The following BRWD1 variants were observed in gnomAD, a reference collection of about 807,000 sequenced individuals.
The protein encoded by BRWD1 is bromodomain and WD repeat-containing protein 1.
A neutral mutation model predicts 251.2 loss-of-function variants in BRWD1; 82 were observed. That is an observed-to-expected ratio of 0.33 (90% CI 0.27 to 0.39). BRWD1 has a LOEUF of 0.39. Among genes scored for constraint, BRWD1 ranks in the 10% least tolerant of loss-of-function variants. The pLI is 1.00. For synonymous variants in BRWD1, 918 were observed against 902.8 expected (o/e 1.02, Z -0.30); for missense variants, 2,233 against 2,711.6 (o/e 0.82, Z 3.92).
intron 5 of BRWD1, chr21:39,298,088 G>T: frequency 1.0e-6 from 1 of 996,352 alleles, no homozygotes; most frequent in Non-Finnish European, 1.2e-6. Flanking sequence ...AGCATTTAAA[G>T]AGTTTATTAG....
At chr21:39,252,830 AGAAAT>A (rs2034440207) in intron 19 of BRWD1, among the ~76,000 whole-genome samples, 1 of 152,228 alleles carries the variant, frequency 6.6e-6, no homozygotes, top group South Asian at 2.1e-4. Context: ...AGTTATAAGC[AGAAAT>A]GCCACATGGC....
At chr21:39,209,599 C>G (rs1303482088) in intron 36 of BRWD1, among the ~76,000 whole-genome samples, 1 of 152,152 alleles carries the variant, frequency 6.6e-6, no homozygotes, top group African/African-American at 2.4e-5. Context: ...TCAGCAGTCT[C>G]ACAATCAGAT....
chr21:39,215,993 C>CTA (rs10630682), intron 31 of BRWD1, among the ~76,000 whole-genome samples: 141,011 of 152,106 alleles, frequency 0.93, 65,712 homozygotes, highest in African/African-American at 0.97. Flanking sequence ...GAGCAAGACT[C>CTA]TCTCAAAAAC....
chr21:39,282,025 TGTATAA>T (rs2035483016), intron 8 of BRWD1, among the ~76,000 whole-genome samples: 2 of 151,606 alleles, frequency 1.3e-5, no homozygotes, highest in South Asian at 2.1e-4. Flanking sequence ...TATACGTCTA[TGTATAA>T]GTATATGTAT....
Position 39,264,987 on chromosome 21 carries a change from G to A in BRWD1, c.1563C>T (p.Asp521=). 6.2e-7 allele frequency: 1 copy of A among 1,613,894 alleles called. No individual in the cohort carries two copies. The highest frequency in any genetic ancestry group is 8.5e-7 in the Non-Finnish European group (1 of 1,179,916). The change falls in exon 16 of 41, where the codon GAC becomes GAT. Residue 521 remains aspartate (D), a synonymous_variant. Transcript: ENST00000342449. ...GCTGTCCATCCTGTGAAAACTTACA[G>A]TCAAACACAGCTCCATGTCCTTGTC... ...IEGQGHGAVF[D]CKFSQDGQHF...
intron 4 of BRWD1, among the ~76,000 whole-genome samples, chr21:39,311,617 T>A (rs940182901): frequency 6.6e-6 from 1 of 152,238 alleles, no homozygotes; most frequent in African/African-American, 2.4e-5. Context: ...AAAGAGGGCA[T>A]CCTTTAAATG....
chr21:39,185,164 TTAAA>T (rs779507863), downstream of BRWD1: 8 of 151,916 alleles, frequency 5.3e-5, no homozygotes, highest in African/African-American at 7.2e-5. Flanking sequence ...TATGTTCGAA[TTAAA>T]TACTTAGCCA....
At chr21:39,299,771 T>C (rs1450503291) in intron 4 of BRWD1, among the ~76,000 whole-genome samples, 1 of 150,592 alleles carries the variant, frequency 6.6e-6, no homozygotes, top group African/African-American at 2.5e-5. Context: ...GGTCAAGAGC[T>C]CGAGACCAGC....
intron 2 of BRWD1, 35 bp from the exon 3 acceptor site, chr21:39,313,136 CG>C: frequency 6.7e-7 from 1 of 1,495,220 alleles, no homozygotes; most frequent in East Asian, 2.8e-5. Flanking sequence ...GGGGTGGGGT[CG>C]GGCCCGGGGC....
intron 4 of BRWD1, among the ~76,000 whole-genome samples, chr21:39,299,564 C>T (rs1222680812): frequency 3.3e-5 from 5 of 151,952 alleles, no homozygotes; most frequent in African/African-American, 1.2e-4. Flanking sequence ...GCTCTCATCT[C>T]GACAATGAGA....
chr21:39,222,547 C>G (rs1407841236), intron 29 of BRWD1, among the ~76,000 whole-genome samples: 1 of 152,110 alleles, frequency 6.6e-6, no homozygotes, highest in African/African-American at 2.4e-5. Flanking sequence ...TGAAGGGGTT[C>G]CCAGTGGCCA....
chr21:39,272,008 C>CA (rs376900840), intron 13 of BRWD1, among the ~76,000 whole-genome samples: 53,302 of 114,594 alleles, frequency 0.47, 13,034 homozygotes, highest in African/African-American at 0.54. Context: ...CACTCCATTT[C>CA]AAAAAAAAAA....
chr21:39,219,901 A>G (rs2033104693), intron 29 of BRWD1: 2 of 152,226 alleles, frequency 1.3e-5, no homozygotes, highest in Admixed American at 6.5e-5. Flanking sequence ...GGAAGAGGGC[A>G]GAGACATCCC....
At chr21:39,212,825 A>G (rs980371250) in intron 33 of BRWD1, 118 bp from the exon 34 acceptor site, 2 of 679,120 alleles carry the variant, frequency 2.9e-6, no homozygotes, top group South Asian at 5.1e-5. Context: ...ACATGTTATT[A>G]TCAAAATCTC....
At chr21:39,276,645 C>T (rs1199286641) in intron 11 of BRWD1, among the ~76,000 whole-genome samples, 2 of 152,124 alleles carry the variant, frequency 1.3e-5, no homozygotes, top group African/African-American at 2.4e-5. Flanking sequence ...TTCCCAAAAG[C>T]TTCAAATAAA....
intron 25 of BRWD1, among the ~76,000 whole-genome samples, chr21:39,230,537 T>C (rs2033570728): frequency 6.6e-6 from 1 of 152,202 alleles, no homozygotes; most frequent in East Asian, 1.9e-4. Context: ...ATACGTAACT[T>C]GGTTTTATGC....
Position 39,192,027 on chromosome 21 carries a change from C to T in BRWD1, c.*4232G>A, listed in dbSNP as rs1468943751. On this transcript the variant is annotated 3_prime_UTR_variant, in exon 41 of 41. Coordinates refer to ENST00000342449, the MANE Select transcript of BRWD1 (RefSeq NM_033656.4). ...GTAGAATCCAAATGATGTGACTCTCCCCCTCCCTCCATCAAATCTAGAAAA... is the reference window on the plus strand; with the variant it reads ...GTAGAATCCAAATGATGTGACTCTCTCCCTCCCTCCATCAAATCTAGAAAA... 3 of 983,270 alleles carry T rather than the reference C, an allele frequency of 3.1e-6. No homozygotes were observed. Among genetic ancestry groups the T allele is most frequent in the Admixed American group, 6.2e-5 (1 of 16,236 alleles). The allele number at this position is 983,270 out of a possible 1,614,324, so 60.9% of individuals were successfully genotyped here.
In BRWD1 at chr21:39,193,291, A is replaced by G; in HGVS notation, c.*2968T>C. On this transcript the variant is annotated 3_prime_UTR_variant, in exon 41 of 41. Coordinates refer to ENST00000342449, the MANE Select transcript of BRWD1 (RefSeq NM_033656.4). Reference sequence around the variant, plus strand: ...TTTCCAAGGATTAATAAACTGAGAAATGATTTAATCAGATATTTGCCACTT... The same window carrying G: ...TTTCCAAGGATTAATAAACTGAGAAGTGATTTAATCAGATATTTGCCACTT... 2.0e-6 allele frequency: 2 copies of G among 985,196 alleles called. No individual in the cohort carries two copies. The highest frequency in any genetic ancestry group is 2.4e-6 in the Non-Finnish European group (2 of 829,748). The allele number at this position is 985,196 out of a possible 1,614,324, so 61.0% of individuals were successfully genotyped here.
Position 39,203,444 on chromosome 21 carries a change from T to C in BRWD1, c.4365-899A>G, listed in dbSNP as rs1022564899. Among the ~76,000 whole-genome samples, 187 of 135,276 alleles carry C rather than the reference T, an allele frequency of 1.4e-3. 5 individuals are homozygous for C. The highest frequency in any genetic ancestry group is 2.2e-3 in the Non-Finnish European group (140 of 62,704). The allele number at this position is 135,276 out of a possible 152,430, so 88.7% of individuals were successfully genotyped here. ...ACAGAGCAAGACCCTGGTTCTTTTTTTTTTTTTTTTTTTTTTTTGAGACAG... is the reference window on the plus strand; with the variant it reads ...ACAGAGCAAGACCCTGGTTCTTTTTCTTTTTTTTTTTTTTTTTTGAGACAG... On this transcript the variant is annotated intron_variant, in intron 37 of 40. Coordinates refer to ENST00000342449, the MANE Select transcript of BRWD1 (RefSeq NM_033656.4).
Sources: allele counts gnomAD v4.1 joint callset (sites outside exome capture counted in the v4.1 genomes callset), GRCh38; gene constraint gnomAD v4.1.1; transcripts MANE v1.5; gene names NCBI Gene and HGNC (gene_info 2026-07-23, HGNC 2026-07-21).